Variants in FRMPD4 observed in about 807,000 individuals in gnomAD.
FRMPD4 encodes the protein FERM and PDZ domain containing 4.
Under a neutral mutation model 94.1 loss-of-function variants are expected in FRMPD4, and 22 were observed. The ratio of observed to expected loss-of-function variants is 0.23; its 90% CI spans 0.17 to 0.33. The LOEUF (loss-of-function observed/expected upper bound fraction) is 0.33, where lower values mean the gene tolerates loss of function less well. Among genes scored for constraint, FRMPD4 ranks in the 10% least tolerant of loss-of-function variants. The pLI, the probability that FRMPD4 is intolerant of heterozygous loss-of-function variation, is 1.00. For missense variants in FRMPD4, 1,111 were observed against 1,339.9 expected (o/e 0.83, Z 2.67); for synonymous variants, 631 against 548.6 (o/e 1.15, Z -2.10).
chrX:12,317,048 A>T (rs7051833), intron 1 of FRMPD4, among the ~76,000 whole-genome samples: 6,452 of 112,084 alleles, frequency 0.058, 458 homozygotes, highest in African/African-American at 0.2. Flanking sequence ...TGCTGAAGCC[A>T]TTTGAATTTT....
chrX:12,043,791 A>G (rs1403072477), intron 3 of FRMPD4, among the ~76,000 whole-genome samples: 1 of 112,216 alleles, frequency 8.9e-6, no homozygotes, highest in Non-Finnish European at 1.9e-5. Context: ...ATAGAAGAAT[A>G]TACATATCAT....
intron 3 of FRMPD4, among the ~76,000 whole-genome samples, chrX:12,022,527 G>A (rs1187831766): frequency 8.9e-6 from 1 of 111,804 alleles, no homozygotes; most frequent in African/African-American, 3.3e-5. Context: ...GCATGAAGCT[G>A]GGCTGGGACA....
At chrX:12,558,081 T>C (rs1281299326) in intron 2 of FRMPD4, among the ~76,000 whole-genome samples, 3 of 112,542 alleles carry the variant, frequency 2.7e-5, no homozygotes, top group African/African-American at 6.5e-5. Context: ...AGCAAGTCTC[T>C]TGCCACCACA....
intron 1 of FRMPD4, among the ~76,000 whole-genome samples, chrX:12,150,858 C>A (rs1387950706): frequency 1.8e-5 from 2 of 111,206 alleles, no homozygotes; most frequent in African/African-American, 6.5e-5. Flanking sequence ...AATATTTGAT[C>A]ATGGGAGTTT....
intron 4 of FRMPD4, among the ~76,000 whole-genome samples, chrX:12,640,171 C>A (rs901993235): frequency 9.2e-6 from 1 of 108,171 alleles, no homozygotes; most frequent in Non-Finnish European, 1.9e-5. Context: ...TTGTGGCTCA[C>A]GCCTGTAATC....
chrX:12,020,068 G>C (rs944428697), intron 3 of FRMPD4, among the ~76,000 whole-genome samples: 10 of 111,697 alleles, frequency 9.0e-5, no homozygotes, highest in African/African-American at 3.3e-4. Context: ...GTGACATCTA[G>C]CTCCAGAGCT....
chrX:12,339,960 C>T (rs1005546818), intron 1 of FRMPD4, among the ~76,000 whole-genome samples: 3 of 112,370 alleles, frequency 2.7e-5, no homozygotes, highest in African/African-American at 9.7e-5. Flanking sequence ...TCAAGCCACT[C>T]AATGGTAAAT....
intron 2 of FRMPD4, among the ~76,000 whole-genome samples, chrX:12,577,187 C>T (rs2058819970): frequency 1.1e-5 from 1 of 88,950 alleles, no homozygotes; most frequent in African/African-American, 4.2e-5. Flanking sequence ...GCGTTAGGTG[C>T]TCTGGATTTC....
chrX:12,710,317 A>G (rs2041960462), intron 13 of FRMPD4, 82 bp from the exon 14 acceptor site: 1 of 790,188 alleles, frequency 1.3e-6, no homozygotes, highest in Non-Finnish European at 1.8e-6. Flanking sequence ...TCCTTTTTCC[A>G]TAAGCATAAA....
chrX:12,332,245 A>G, intron 1 of FRMPD4, among the ~76,000 whole-genome samples: 1 of 83,663 alleles, frequency 1.2e-5, no homozygotes, highest in East Asian at 3.6e-4. Flanking sequence ...GAGAGAGAGA[A>G]TTTGGCCATG....
chrX:12,376,989 A>G (rs986427668), intron 1 of FRMPD4, among the ~76,000 whole-genome samples: 1 of 111,927 alleles, frequency 8.9e-6, no homozygotes, highest in Non-Finnish European at 1.9e-5. Context: ...CTAGGGTCTC[A>G]GTCAACCTCA....
At chrX:12,343,130 C>T (rs2055643061) in intron 1 of FRMPD4, among the ~76,000 whole-genome samples, 1 of 111,489 alleles carries the variant, frequency 9.0e-6, no homozygotes, top group African/African-American at 3.3e-5. Flanking sequence ...CACTGTGGCA[C>T]TCCACTGGAG....
intron 3 of FRMPD4, among the ~76,000 whole-genome samples, chrX:11,889,402 G>T (rs2053862477): frequency 8.9e-6 from 1 of 112,164 alleles, no homozygotes; most frequent in Non-Finnish European, 1.9e-5. Context: ...TTGAACCATT[G>T]TAAGTCTGAA....
At chrX:11,900,525 C>T (rs753996332) in intron 3 of FRMPD4, among the ~76,000 whole-genome samples, 9 of 112,013 alleles carry the variant, frequency 8.0e-5, no homozygotes, top group African/African-American at 2.9e-4. Context: ...GATTCTTCTG[C>T]TCTTGTGGTT....
chrX:12,607,939 A>G (rs1202055205), intron 2 of FRMPD4, among the ~76,000 whole-genome samples: 1 of 112,575 alleles, frequency 8.9e-6, no homozygotes, highest in Admixed American at 9.4e-5. Flanking sequence ...AATTATGCAG[A>G]AAGACAACAG....
At chrX:12,361,882 A>T (rs1034207283) in intron 1 of FRMPD4, among the ~76,000 whole-genome samples, 4 of 110,453 alleles carry the variant, frequency 3.6e-5, no homozygotes, top group Non-Finnish European at 5.7e-5. Flanking sequence ...TGGCAGCATC[A>T]CTCCAATCTC....
At chrX:12,156,486 G>T (rs189121999) in intron 1 of FRMPD4, among the ~76,000 whole-genome samples, 1 of 111,707 alleles carries the variant, frequency 9.0e-6, no homozygotes, top group East Asian at 2.8e-4. Context: ...AATAATTACG[G>T]ACTGATTCAT....
intron 2 of FRMPD4, among the ~76,000 whole-genome samples, chrX:12,571,822 T>C (rs2058763402): frequency 1.8e-5 from 2 of 112,545 alleles, no homozygotes; most frequent in African/African-American, 6.5e-5. Context: ...CTACATTCTG[T>C]TAAACATGGG....
chrX:12,715,974 C>T, intron 14 of FRMPD4, 95 bp from the exon 15 acceptor site: 1 of 474,635 alleles, frequency 2.1e-6, no homozygotes, highest in Non-Finnish European at 3.7e-6. Flanking sequence ...TGCTACAAGC[C>T]ATTAAGTTAA....
Sources: allele counts gnomAD v4.1 joint callset (sites outside exome capture counted in the v4.1 genomes callset), GRCh38; gene constraint gnomAD v4.1.1; transcripts MANE v1.5; gene names NCBI Gene and HGNC (gene_info 2026-07-23, HGNC 2026-07-21).